Variants in PDS5A observed in about 807,000 individuals in gnomAD.
PDS5A encodes PDS5 cohesin associated factor A.
Under a neutral mutation model 167.1 loss-of-function variants are expected in PDS5A, and 42 were observed. That is an observed-to-expected ratio of 0.25 (90% CI 0.20 to 0.33). The LOEUF (loss-of-function observed/expected upper bound fraction) is 0.33. Among genes scored for constraint, PDS5A ranks in the 10% least tolerant of loss-of-function variants. The probability of loss-of-function intolerance (pLI) is 1.00; values close to 1 mark genes in which losing one functional copy is unlikely to be tolerated. For missense variants in PDS5A, 1,033 were observed against 1,605.9 expected (o/e 0.64, Z 6.10); for synonymous variants, 553 against 554.6 (o/e 1.00, Z 0.04).
At chr4:39,845,578 G>A (rs1316320827) in intron 29 of PDS5A, among the ~76,000 whole-genome samples, 4 of 152,074 alleles carry the variant, frequency 2.6e-5, no homozygotes, top group African/African-American at 9.7e-5. Context: ...AGTCTTCTTT[G>A]TGAATTGTAA....
chr4:39,928,202 T>C (rs1388152020), intron 2 of PDS5A, 38 bp from the exon 3 acceptor site: 7 of 1,360,614 alleles, frequency 5.1e-6, no homozygotes, highest in Non-Finnish European at 7.2e-6. Context: ...AATTAACTCC[T>C]GGAATTTAGA....
At chr4:39,927,552 C>A (rs935934447) in intron 3 of PDS5A, among the ~76,000 whole-genome samples, 4 of 151,538 alleles carry the variant, frequency 2.6e-5, no homozygotes, top group Admixed American at 6.6e-5. Flanking sequence ...GGCAGAACAA[C>A]CAAGATGAGC....
At chr4:39,930,520 C>A (rs1476731987) in intron 2 of PDS5A, among the ~76,000 whole-genome samples, 3 of 151,810 alleles carry the variant, frequency 2.0e-5, no homozygotes, top group African/African-American at 4.8e-5. Context: ...CTATTTTAGT[C>A]CAAGTTTGCA....
chr4:39,846,787 AT>A (rs1357272911), intron 28 of PDS5A: 1 of 152,162 alleles, frequency 6.6e-6, no homozygotes, highest in Non-Finnish European at 1.5e-5. Flanking sequence ...AATATTTTTT[AT>A]TGTATTAAAT....
chr4:39,903,125 G>A (rs1001274612), intron 12 of PDS5A, among the ~76,000 whole-genome samples: 1 of 152,198 alleles, frequency 6.6e-6, no homozygotes, highest in Non-Finnish European at 1.5e-5. Flanking sequence ...GCTATGATCC[G>A]CGGTAGAGCT....
Position 39,824,353 on chromosome 4 carries a change from A to G in PDS5A, c.*1132T>C, listed in dbSNP as rs186552599. Reference sequence around the variant, plus strand: ...AGCATTTATTTTATGCAAAAAACTTAAATATGATTATGTGTACACATAAAG... The same window carrying G: ...AGCATTTATTTTATGCAAAAAACTTGAATATGATTATGTGTACACATAAAG... On this transcript the variant is annotated 3_prime_UTR_variant, in exon 33 of 33. Coordinates refer to ENST00000303538, the MANE Select transcript of PDS5A (RefSeq NM_001100399.2). The G allele has an allele frequency of 6.6e-6, 1 of 152,330 alleles. No homozygotes were observed. The highest frequency in any genetic ancestry group is 6.5e-5 in the Admixed American group (1 of 15,292). The allele number at this position is 152,330 out of a possible 1,614,324, so 9.4% of individuals were successfully genotyped here. A position where few individuals can be genotyped will look rare whatever the true frequency, so the allele number is the denominator to read the frequency against.
At chr4:39,849,438 CAAAAA>C in intron 27 of PDS5A, 77 bp downstream of exon 27, 77 of 481,112 alleles carry the variant, frequency 1.6e-4, no homozygotes, top group South Asian at 2.6e-4. Flanking sequence ...TACGTATGGC[CAAAAA>C]AAAAAAAAAA....
intron 23 of PDS5A, among the ~76,000 whole-genome samples, chr4:39,865,934 T>C (rs563065909): frequency 6.6e-6 from 1 of 152,316 alleles, no homozygotes; most frequent in African/African-American, 2.4e-5. Flanking sequence ...GAAACCAGGA[T>C]CATGAAAAAC....
rs1046943833 is a variant in PDS5A at position 39,948,513 on chromosome 4, T to C, written c.139-20349A>G. ...CTAATTTTTGTATTTTTAGTAGAGA[T>C]GGGGTTTTACCATCTTGGCCAGGCT... On this transcript the variant is annotated intron_variant, in intron 2 of 32. Coordinates refer to ENST00000303538, the MANE Select transcript of PDS5A (RefSeq NM_001100399.2). 2.7e-4 allele frequency among the ~76,000 whole-genome samples: 41 copies of C among 151,640 alleles called. 1 individual carries two copies. Among genetic ancestry groups the C allele is most frequent in the Admixed American group, 2.0e-3 (31 of 15,182 alleles).
chr4:39,836,075 G>T (rs1376885306), intron 32 of PDS5A, among the ~76,000 whole-genome samples: 2 of 152,142 alleles, frequency 1.3e-5, no homozygotes, highest in African/African-American at 4.8e-5. Context: ...AATAACAGTT[G>T]GGCGTTTATT....
At chr4:39,965,979 C>T (rs1729932734) in intron 2 of PDS5A, among the ~76,000 whole-genome samples, 1 of 151,992 alleles carries the variant, frequency 6.6e-6, no homozygotes, top group African/African-American at 2.4e-5. Context: ...TTTAAAATAC[C>T]TTTTAAAAAG....
chr4:39,872,172 CTTTTTT>C (rs35032799), intron 21 of PDS5A, among the ~76,000 whole-genome samples: 3 of 95,486 alleles, frequency 3.1e-5, no homozygotes, highest in Admixed American at 1.2e-4. Flanking sequence ...AGTCCACTTA[CTTTTTT>C]TTTTTTTTTT....
At chr4:39,826,475 T>A (rs1315781081) in intron 32 of PDS5A, among the ~76,000 whole-genome samples, 6 of 140,638 alleles carry the variant, frequency 4.3e-5, no homozygotes, top group African/African-American at 1.6e-4. Context: ...TTCCACATTT[T>A]TATTTATTTA....
At chr4:39,904,414 C>G (rs1437442197) in intron 11 of PDS5A, among the ~76,000 whole-genome samples, 1 of 152,156 alleles carries the variant, frequency 6.6e-6, no homozygotes, top group Non-Finnish European at 1.5e-5. Context: ...TCTTGGCTCA[C>G]TGCAAGCTCC....
chr4:39,864,906 C>T lies in PDS5A; in HGVS notation c.2643-1447G>A, dbSNP rs114188424. On this transcript the variant is annotated intron_variant, in intron 23 of 32. Coordinates refer to ENST00000303538, the MANE Select transcript of PDS5A (RefSeq NM_001100399.2). Reference sequence around the variant, plus strand: ...TGTTCATTCTATGGTTAACCATTCCCCTATTTTTTGTGATGGAAAATAATG... The same window carrying T: ...TGTTCATTCTATGGTTAACCATTCCTCTATTTTTTGTGATGGAAAATAATG... Among the ~76,000 whole-genome samples, 678 of 152,250 alleles carry T rather than the reference C, an allele frequency of 4.5e-3. 6 individuals carry two copies. The highest frequency in any genetic ancestry group is 0.016 in the African/African-American group (656 of 41,538).
intron 30 of PDS5A, among the ~76,000 whole-genome samples, chr4:39,843,135 A>C (rs189004103): frequency 6.6e-6 from 1 of 151,446 alleles, no homozygotes; most frequent in Non-Finnish European, 1.5e-5. Flanking sequence ...TCGGCCTCCC[A>C]AAGTGCTGGG....
chr4:39,923,792 C>T (rs892375298), intron 5 of PDS5A, among the ~76,000 whole-genome samples: 5 of 151,822 alleles, frequency 3.3e-5, no homozygotes, highest in Admixed American at 3.3e-4. Flanking sequence ...TTTTTCAACT[C>T]CCACACCTTA....
intron 2 of PDS5A, among the ~76,000 whole-genome samples, chr4:39,969,666 CAAA>C (rs1352499321): frequency 6.7e-6 from 1 of 149,930 alleles, no homozygotes; most frequent in East Asian, 1.9e-4. Flanking sequence ...AACTTGGTCT[CAAA>C]AAAAAGGAAA....
chr4:39,938,829 G>C (rs1249791661), intron 2 of PDS5A, among the ~76,000 whole-genome samples: 1 of 151,936 alleles, frequency 6.6e-6, no homozygotes, highest in African/African-American at 2.4e-5. Context: ...AATTAGCTGG[G>C]CGTGGTGGCG....
Sources: allele counts gnomAD v4.1 joint callset (sites outside exome capture counted in the v4.1 genomes callset), GRCh38; gene constraint gnomAD v4.1.1; transcripts MANE v1.5; gene names NCBI Gene and HGNC (gene_info 2026-07-23, HGNC 2026-07-21).